ZNF98: variants seen among roughly 807,000 people sequenced by gnomAD.
ZNF98 encodes zinc finger protein 98, also known as zinc finger protein 739.
In ZNF98, 8 loss-of-function variants were observed where a neutral mutation model predicts 12.8. The ratio of observed to expected loss-of-function variants is 0.63; its 90% CI spans 0.37 to 1.13. The LOEUF (loss-of-function observed/expected upper bound fraction) is 1.13. Among genes scored for constraint, ZNF98 ranks in the 50% most tolerant of loss-of-function variants. The probability of loss-of-function intolerance (pLI) is 0.01; values close to 1 mark genes in which losing one functional copy is unlikely to be tolerated. For synonymous variants in ZNF98, 112 were observed against 223.5 expected (o/e 0.50, Z 4.45); for missense variants, 379 against 666.1 (o/e 0.57, Z 4.74).
At position 22,403,458 on chromosome 19, in the gene ZNF98, A is replaced by G. The variant is rs777743402; in HGVS notation, c.85T>C (p.Cys29Arg). ...AAATTCTGCTGTGCGGTGTCCAGGC[A>G]TTGCCACTCCTCCAGAGAGAATTCT... is the stretch of plus-strand genomic sequence containing the variant. ...ALEFSLEEWQ[C>R]LDTAQQNLYR... Residue 29 changes from cysteine (C) to arginine (R), a missense_variant, in exon 2 of 4, where the codon TGC becomes CGC. Cys to Arg is a radical substitution (Grantham distance 180). Around this residue, in one of 8 missense-constraint regions of ZNF98, gnomAD observed 223 missense variants for 261.6 expected, o/e 0.85. Coordinates refer to ENST00000357774, the MANE Select transcript of ZNF98 (RefSeq NM_001098626.2). 9 of 1,610,476 alleles carry G rather than the reference A, an allele frequency of 5.6e-6. No homozygotes were observed. The African/African-American group carries it at 9.4e-5, about 17-fold the overall frequency.
At chr19:22,409,868 C>T (rs1456474039) in intron 1 of ZNF98, among the ~76,000 whole-genome samples, 2 of 142,728 alleles carry the variant, frequency 1.4e-5, no homozygotes, top group East Asian at 2.1e-4. Context: ...GCAGAGATTG[C>T]GCCACTGCAC....
chr19:22,400,372 A>T (rs1485949201), intron 3 of ZNF98, among the ~76,000 whole-genome samples: 1 of 152,156 alleles, frequency 6.6e-6, no homozygotes, highest in Non-Finnish European at 1.5e-5. Context: ...AGCCAAACTC[A>T]TCTACATCCT....
chr19:22,393,162 AAAGT>A lies in ZNF98; in HGVS notation c.254-185_254-182del, dbSNP rs113093221. On this transcript the variant is annotated intron_variant, in intron 3 of 3. Transcript: ENST00000357774. ...GAACAAATTACATTTCTGAAAAATT[AAAGT>A]AAGTTAAGTGTGTGCAGTGCCCCAG... Among the ~76,000 whole-genome samples the A allele has an allele frequency of 3.3e-3, 509 of 152,310 alleles. 4 individuals are homozygous for A. The highest frequency in any genetic ancestry group is 0.012 in the African/African-American group (493 of 41,568).
At chr19:22,415,422 A>G (rs539689341) in intron 1 of ZNF98, among the ~76,000 whole-genome samples, 1 of 152,266 alleles carries the variant, frequency 6.6e-6, no homozygotes, top group South Asian at 2.1e-4. Context: ...AGTACTATTC[A>G]CAATAGCAAA....
intron 1 of ZNF98, among the ~76,000 whole-genome samples, chr19:22,419,233 T>C (rs1969677597): frequency 6.6e-6 from 1 of 152,208 alleles, no homozygotes; most frequent in Admixed American, 6.5e-5. Flanking sequence ...TAACTTTGGT[T>C]TATTTTAAAT....
At chr19:22,420,168 G>GA (rs1253184136) in intron 1 of ZNF98, among the ~76,000 whole-genome samples, 4 of 151,740 alleles carry the variant, frequency 2.6e-5, no homozygotes, top group Non-Finnish European at 4.4e-5. Flanking sequence ...GTCTCAAAAA[G>GA]AAAAAAAGAA....
Position 22,419,427 on chromosome 19 carries a change from C to T in ZNF98, c.30+2768G>A, listed in dbSNP as rs114422177. On this transcript the variant is annotated intron_variant, in intron 1 of 3. Transcript: ENST00000357774. Reference sequence around the variant, plus strand: ...CAGGCTGGGACATCTGCGAGAGAGGCTCTTCAGAAAAAAACTAATTGGGCC... The same window carrying T: ...CAGGCTGGGACATCTGCGAGAGAGGTTCTTCAGAAAAAAACTAATTGGGCC... 1.8e-3 allele frequency among the ~76,000 whole-genome samples: 280 copies of T among 152,142 alleles called. 1 individual carries two copies. Among genetic ancestry groups the T allele is most frequent in the African/African-American group, 6.5e-3 (268 of 41,518 alleles).
intron 3 of ZNF98, among the ~76,000 whole-genome samples, chr19:22,394,399 C>T (rs550149416): frequency 1.4e-4 from 22 of 152,098 alleles, no homozygotes; most frequent in South Asian, 4.1e-4. Flanking sequence ...ACATTTATTG[C>T]GGCACTATTC....
In ZNF98 at chr19:22,422,177, C is replaced by G; in HGVS notation, c.30+18G>C. 1 of 1,612,824 alleles carries G rather than the reference C, an allele frequency of 6.2e-7. No homozygotes were observed. The highest frequency in any genetic ancestry group is 8.5e-7 in the Non-Finnish European group (1 of 1,179,126). On this transcript the variant is annotated intron_variant, in intron 1 of 3. Coordinates refer to ENST00000357774, the MANE Select transcript of ZNF98 (RefSeq NM_001098626.2). Reference sequence around the variant, plus strand: ...AGCCCCTTCTCCTCTCTAGGGATGTCGGACTCGGCACTCTCACCATTTCTA... The same window carrying G: ...AGCCCCTTCTCCTCTCTAGGGATGTGGGACTCGGCACTCTCACCATTTCTA...
intron 3 of ZNF98, among the ~76,000 whole-genome samples, chr19:22,400,971 A>C (rs1969449677): frequency 6.6e-6 from 1 of 150,972 alleles, no homozygotes; most frequent in East Asian, 1.9e-4. Flanking sequence ...AAACAAAACA[A>C]AACAAAAAAA....
At chr19:22,395,743 G>A (rs1969384127) in intron 3 of ZNF98, among the ~76,000 whole-genome samples, 1 of 152,066 alleles carries the variant, frequency 6.6e-6, no homozygotes, top group African/African-American at 2.4e-5. Context: ...CAGACAGGAA[G>A]AAAGTCTTAG....
intron 3 of ZNF98, among the ~76,000 whole-genome samples, chr19:22,399,628 C>T (rs1255075215): frequency 6.6e-6 from 1 of 152,104 alleles, no homozygotes; most frequent in Non-Finnish European, 1.5e-5. Flanking sequence ...TACTAATTAT[C>T]TAATTCACCT....
chr19:22,407,549 T>A (rs1401787408), intron 1 of ZNF98, among the ~76,000 whole-genome samples: 3 of 150,534 alleles, frequency 2.0e-5, no homozygotes, highest in Admixed American at 1.3e-4. Context: ...CTATCTCTAC[T>A]AAAAATCCAA....
At chr19:22,405,753 C>A (rs1969511883) in intron 1 of ZNF98, among the ~76,000 whole-genome samples, 2 of 152,250 alleles carry the variant, frequency 1.3e-5, no homozygotes, top group South Asian at 4.1e-4. Context: ...GCTGTCTAAG[C>A]CATCTGAGCT....
chr19:22,401,491 T>TA (rs1969456757), intron 3 of ZNF98, among the ~76,000 whole-genome samples: 1 of 151,764 alleles, frequency 6.6e-6, no homozygotes, highest in Non-Finnish European at 1.5e-5. Flanking sequence ...AAGAATTTTT[T>TA]TTTTTTTTTG....
chr19:22,392,531 T>C lies in ZNF98; in HGVS notation c.704A>G (p.Lys235Arg), dbSNP rs1376697628. 3.7e-6 allele frequency: 6 copies of C among 1,608,402 alleles called. No homozygotes were observed. In the African/African-American group the frequency reaches 8.0e-5, roughly 22 times the overall value. Reference protein sequence around the residue: ...LSTHKRIHTGKKPYKCEECGK... With the variant: ...LSTHKRIHTGRKPYKCEECGK... ...ACACTCTTCGCATTTGTAGGGTTTC[T>C]TTCCAGTATGAATTCTTTTATGTGT... The change falls in exon 4 of 4, where the codon AAG (lysine) becomes AGG (arginine). Residue 235 changes from lysine (K) to arginine (R), a missense_variant. Lys to Arg is a conservative substitution (Grantham distance 26). Coordinates refer to ENST00000357774, the MANE Select transcript of ZNF98 (RefSeq NM_001098626.2).
At position 22,392,808 on chromosome 19, in the gene ZNF98, T is replaced by G. The variant is rs1448130229; in HGVS notation, c.427A>C (p.Asn143His). 6.2e-7 allele frequency: 1 copy of G among 1,612,718 alleles called. No individual in the cohort carries two copies. Among genetic ancestry groups the G allele is most frequent in the Non-Finnish European group, 8.5e-7 (1 of 1,179,588 alleles). Residue 143 changes from asparagine (N) to histidine (H), a missense_variant, in exon 4 of 4, where the codon AAC becomes CAC. Physicochemically the swap from Asn to His is moderately conservative, Grantham distance 68. Around this residue, in one of 8 missense-constraint regions of ZNF98, gnomAD observed 223 missense variants for 261.6 expected, o/e 0.85. Coordinates refer to ENST00000357774, the MANE Select transcript of ZNF98 (RefSeq NM_001098626.2). Reference protein sequence around the residue: ...KVHKECYNGLNQCLTTTQNKI... With the variant: ...KVHKECYNGLHQCLTTTQNKI... ...TTCTGGGTAGTTGTCAAACACTGGT[T>G]AAGTCCATTGTAACATTCTTTGTGC...
At chr19:22,408,587 CAGCAA>C (rs1969547812) in intron 1 of ZNF98, among the ~76,000 whole-genome samples, 1 of 152,186 alleles carries the variant, frequency 6.6e-6, no homozygotes, top group Non-Finnish European at 1.5e-5. Context: ...TAAGTGACTT[CAGCAA>C]AGTCTCAGGA....
chr19:22,409,677 C>T (rs1403503767), intron 1 of ZNF98, among the ~76,000 whole-genome samples: 1 of 151,872 alleles, frequency 6.6e-6, no homozygotes, highest in African/African-American at 2.4e-5. Context: ...TTTCGGAGGC[C>T]GAGATGGGTA....
Sources: allele counts gnomAD v4.1 joint callset (sites outside exome capture counted in the v4.1 genomes callset), GRCh38; gene constraint gnomAD v4.1.1; regional missense constraint gnomAD v4.1.1; transcripts MANE v1.5; gene names NCBI Gene and HGNC (gene_info 2026-07-23, HGNC 2026-07-21).